SORCS2: variants seen among roughly 807,000 people sequenced by gnomAD.
The protein encoded by SORCS2 is VPS10 domain-containing receptor SorCS2.
SORCS2 carries 100 observed loss-of-function variants against 141.6 expected under a neutral mutation model. That is an observed-to-expected ratio of 0.71 (90% CI 0.60 to 0.83). The LOEUF (loss-of-function observed/expected upper bound fraction) is 0.83, where lower values mean the gene tolerates loss of function less well. Among genes scored for constraint, SORCS2 ranks in the 40% least tolerant of loss-of-function variants. SORCS2 has a pLI of 0.00. For synonymous variants in SORCS2, 789 were observed against 676.9 expected, an observed-to-expected ratio of 1.17 and a Z score of -2.57; for missense variants, 1,646 against 1,560.2, an observed-to-expected ratio of 1.05 and a Z score of -0.93.
At chr4:7,532,077 G>A (rs1711704793) in intron 3 of SORCS2, among the ~76,000 whole-genome samples, 1 of 152,176 alleles carries the variant, frequency 6.6e-6, no homozygotes, top group South Asian at 2.1e-4. Context: ...TGTTTCCTGG[G>A]TCTGGGGGAA....
chr4:7,684,521 T>C (rs1322978957), intron 10 of SORCS2, among the ~76,000 whole-genome samples: 1 of 152,236 alleles, frequency 6.6e-6, no homozygotes, highest in Non-Finnish European at 1.5e-5. Flanking sequence ...TCACTGGGCA[T>C]ACTGCTTCTC....
At chr4:7,491,155 A>G (rs1731294075) in intron 2 of SORCS2, among the ~76,000 whole-genome samples, 1 of 152,040 alleles carries the variant, frequency 6.6e-6, no homozygotes, top group Non-Finnish European at 1.5e-5. Flanking sequence ...CTGTACCCTG[A>G]GCCTTCCTGA....
At chr4:7,447,350 C>T (rs1300413856) in intron 2 of SORCS2, among the ~76,000 whole-genome samples, 1 of 152,152 alleles carries the variant, frequency 6.6e-6, no homozygotes, top group Non-Finnish European at 1.5e-5. Context: ...GAGGATCCTA[C>T]TAGTGCCTGA....
At chr4:7,543,382 T>TCCAC in intron 3 of SORCS2, among the ~76,000 whole-genome samples, 1 of 149,638 alleles carries the variant, frequency 6.7e-6, no homozygotes, top group East Asian at 2.0e-4. Context: ...GATTCATACA[T>TCCAC]CCACCCACCC....
At chr4:7,724,112 G>GTGA (rs369203318) in intron 19 of SORCS2, among the ~76,000 whole-genome samples, 1 of 145,974 alleles carries the variant, frequency 6.9e-6, no homozygotes, top group African/African-American at 2.7e-5. Flanking sequence ...GATAGTGGTG[G>GTGA]TGATGGTGGT....
At chr4:7,378,158 T>G (rs1722773298) in intron 1 of SORCS2, among the ~76,000 whole-genome samples, 1 of 152,242 alleles carries the variant, frequency 6.6e-6, no homozygotes, top group Non-Finnish European at 1.5e-5. Flanking sequence ...GGCTTGTGAC[T>G]CTTCATGGCC....
At chr4:7,412,667 C>G (rs1188480694) in intron 2 of SORCS2, among the ~76,000 whole-genome samples, 1 of 152,118 alleles carries the variant, frequency 6.6e-6, no homozygotes, top group African/African-American at 2.4e-5. Context: ...AGAGTTCTCC[C>G]ATCAGCCCCT....
chr4:7,281,674 C>T (rs16839929), intron 1 of SORCS2, among the ~76,000 whole-genome samples: 1 of 152,280 alleles, frequency 6.6e-6, no homozygotes, highest in Admixed American at 6.5e-5. Flanking sequence ...CAGTGAGTGG[C>T]CAAACCCTAG....
intron 1 of SORCS2, among the ~76,000 whole-genome samples, chr4:7,234,493 G>T (rs1283540511): frequency 6.6e-6 from 1 of 152,256 alleles, no homozygotes; most frequent in East Asian, 1.9e-4. Flanking sequence ...ACCCAGCATG[G>T]TGGCCTCTCT....
intron 1 of SORCS2, among the ~76,000 whole-genome samples, chr4:7,358,313 C>T (rs1157480473): frequency 6.6e-6 from 1 of 152,244 alleles, no homozygotes; most frequent in Non-Finnish European, 1.5e-5. Flanking sequence ...ACAGTAGCCT[C>T]CTAGGCTGCT....
At chr4:7,378,432 TG>T (rs752792988) in intron 1 of SORCS2, among the ~76,000 whole-genome samples, 11 of 152,124 alleles carry the variant, frequency 7.2e-5, no homozygotes, top group Non-Finnish European at 8.8e-5. Context: ...CTTATAATCA[TG>T]GTGGAAGAGG....
chr4:7,680,004 A>G (rs1325604739), intron 9 of SORCS2, among the ~76,000 whole-genome samples: 1 of 152,244 alleles, frequency 6.6e-6, no homozygotes, highest in Non-Finnish European at 1.5e-5. Context: ...CCCTGAGGAC[A>G]GCAGAAAGGC....
At chr4:7,235,233 C>T (rs1454136276) in intron 1 of SORCS2, among the ~76,000 whole-genome samples, 2 of 152,226 alleles carry the variant, frequency 1.3e-5, no homozygotes, top group Non-Finnish European at 2.9e-5. Context: ...TGCAGCCGCA[C>T]CAGTTAGTAC....
In SORCS2 at chr4:7,724,124, G is replaced by A. The variant is rs62290751; in HGVS notation, c.2611+241G>A. On this transcript the variant is annotated intron_variant, in intron 19 of 26. Transcript: ENST00000507866. Reference sequence around the variant, plus strand: ...GATGATAGTGGTGGTGATGGTGGTGGTGGTGGTGGTGGTGGTGATGGTCGT... The same window carrying A: ...GATGATAGTGGTGGTGATGGTGGTGATGGTGGTGGTGGTGGTGATGGTCGT... Among the ~76,000 whole-genome samples, 49,846 of 139,536 alleles carry A rather than the reference G, an allele frequency of 0.36. 9,605 individuals carry two copies. The highest frequency in any genetic ancestry group is 0.47 in the Non-Finnish European group (30,638 of 65,254). 91.5% of individuals were successfully genotyped at this position (139,536 alleles called of 152,430 possible).
chr4:7,606,344 T>G (rs561614021), intron 3 of SORCS2, among the ~76,000 whole-genome samples: 1 of 152,266 alleles, frequency 6.6e-6, no homozygotes, highest in South Asian at 2.1e-4. Flanking sequence ...GATTGCATTC[T>G]TAAATACTTA....
chr4:7,434,374 C>T (rs1465918907), intron 2 of SORCS2: 1 of 1,607,628 alleles, frequency 6.2e-7, no homozygotes, highest in Non-Finnish European at 8.5e-7. Context: ...GGTAAGGGGC[C>T]CATTGGCCAT....
intron 1 of SORCS2, among the ~76,000 whole-genome samples, chr4:7,249,120 G>A (rs1396200418): frequency 6.6e-6 from 1 of 152,226 alleles, no homozygotes; most frequent in African/African-American, 2.4e-5. Flanking sequence ...GGTTATATGG[G>A]TTAACTGGAT....
At chr4:7,697,942 C>T (rs1724817434) in intron 12 of SORCS2, among the ~76,000 whole-genome samples, 1 of 152,168 alleles carries the variant, frequency 6.6e-6, no homozygotes. Context: ...TCCATGCAGC[C>T]CCACGTGGAG....
At chr4:7,203,232 G>A (rs191801207) in intron 1 of SORCS2, among the ~76,000 whole-genome samples, 5 of 152,330 alleles carry the variant, frequency 3.3e-5, no homozygotes, top group Admixed American at 1.3e-4. Flanking sequence ...AGGAGTTTGA[G>A]ATCAGCCTGG....
Sources: gnomAD v4.1 joint callset for allele counts (sites outside exome capture counted in the v4.1 genomes callset) on GRCh38, gnomAD v4.1.1 for gene constraint, MANE v1.5 for transcripts, NCBI Gene and HGNC (gene_info 2026-07-23, HGNC 2026-07-21) for gene names.